KCTD8: variants seen among roughly 807,000 people sequenced by gnomAD.
The protein encoded by KCTD8 is potassium channel tetramerization domain containing 8.
In KCTD8, 27 loss-of-function variants were observed where a neutral mutation model predicts 31.5. The observed-to-expected ratio is 0.86, with a 90% CI of 0.63 to 1.18. The LOEUF (loss-of-function observed/expected upper bound fraction) is 1.18, where lower values mean the gene tolerates loss of function less well. Ranked by LOEUF, KCTD8 falls within the 50% of genes most tolerant of loss-of-function variation. The pLI, the probability that KCTD8 is intolerant of heterozygous loss-of-function variation, is 0.00. For missense variants in KCTD8, 658 were observed against 647.7 expected, an observed-to-expected ratio of 1.02 and a Z score of -0.17; for synonymous variants, 290 against 280.0, an observed-to-expected ratio of 1.04 and a Z score of -0.36.
At chr4:44,253,089 G>A (rs1013998237) in intron 1 of KCTD8, among the ~76,000 whole-genome samples, 2 of 151,202 alleles carry the variant, frequency 1.3e-5, no homozygotes, top group Non-Finnish European at 3.0e-5. Context: ...TATGTGTTTT[G>A]TTTATTTTTA....
intron 1 of KCTD8, among the ~76,000 whole-genome samples, chr4:44,406,458 T>C (rs1720798886): frequency 6.6e-6 from 1 of 152,090 alleles, no homozygotes; most frequent in African/African-American, 2.4e-5. Flanking sequence ...AGTGAATAAG[T>C]CTCATGAGAT....
rs866251998 is a variant in KCTD8 at position 44,181,052 on chromosome 4, T to C, written c.962-5802A>G. ...ATTTATGTCTGTTTAATTACATCTATTCTTACTGGTGAATTGCCAGCAAAA... is the reference window on the plus strand; with the variant it reads ...ATTTATGTCTGTTTAATTACATCTACTCTTACTGGTGAATTGCCAGCAAAA... On this transcript the variant is annotated intron_variant, in intron 1 of 1. Coordinates refer to ENST00000360029, the MANE Select transcript of KCTD8 (RefSeq NM_198353.3). Among the ~76,000 whole-genome samples the C allele has an allele frequency of 2.0e-5, 3 of 152,292 alleles. No homozygotes were observed. The Middle Eastern group carries it at 0.01, about 518-fold the overall frequency.
At position 44,448,750 on chromosome 4, in the gene KCTD8, G is replaced by A. The variant is rs1722028283; in HGVS notation, c.-227C>T. The A allele has an allele frequency of 5.1e-6, 2 of 394,208 alleles. No individual in the cohort carries two copies. Among genetic ancestry groups the A allele is most frequent in the East Asian group, 3.8e-5 (1 of 26,238 alleles). The allele number at this position is 394,208 out of a possible 1,614,324, so 24.4% of individuals were successfully genotyped here. A position where few individuals can be genotyped will look rare whatever the true frequency, so the allele number is the denominator to read the frequency against. On this transcript the variant is annotated 5_prime_UTR_variant, in exon 1 of 2. Transcript: ENST00000360029. The surrounding 1 kb of genome is among the most constrained non-coding windows in gnomAD (Gnocchi z 4.1). ...GAGAGAGGAGCTCCGCCGGTGCGGC[G>A]GCGGCAATGGAGAGGCAAGAAGGAG...
chr4:44,215,697 C>T (rs1714627407), intron 1 of KCTD8, among the ~76,000 whole-genome samples: 1 of 152,198 alleles, frequency 6.6e-6, no homozygotes, highest in African/African-American at 2.4e-5. Flanking sequence ...CAATTTGTAA[C>T]AAATCATTAA....
chr4:44,176,418 C>A (rs1054918408), intron 1 of KCTD8, among the ~76,000 whole-genome samples: 4 of 152,132 alleles, frequency 2.6e-5, no homozygotes, highest in African/African-American at 9.7e-5. Context: ...GCCATCAGGT[C>A]ATTTAAGATT....
intron 1 of KCTD8, among the ~76,000 whole-genome samples, chr4:44,317,388 C>T (rs1430271814): frequency 2.8e-5 from 4 of 143,638 alleles, no homozygotes; most frequent in Admixed American, 1.4e-4. Flanking sequence ...TACAGGCGCC[C>T]GCCACCGCAC....
At chr4:44,280,436 C>T (rs1716875606) in intron 1 of KCTD8, among the ~76,000 whole-genome samples, 1 of 152,034 alleles carries the variant, frequency 6.6e-6, no homozygotes, top group African/African-American at 2.4e-5. Context: ...AGAGCTGCAT[C>T]CTTTTCTCAA....
intron 1 of KCTD8, among the ~76,000 whole-genome samples, chr4:44,217,808 T>C (rs1214450306): frequency 2.0e-5 from 3 of 152,000 alleles, no homozygotes; most frequent in Non-Finnish European, 4.4e-5. Context: ...CCTGGACTTA[T>C]ACCAGTGGTT....
chr4:44,344,362 T>C (rs970381036), intron 1 of KCTD8, among the ~76,000 whole-genome samples: 1 of 152,082 alleles, frequency 6.6e-6, no homozygotes, highest in Admixed American at 6.6e-5. Context: ...TGTTTTCATT[T>C]TTTTGTAGAA....
intron 1 of KCTD8, among the ~76,000 whole-genome samples, chr4:44,431,057 T>A (rs1487501510): frequency 6.6e-6 from 1 of 151,760 alleles, no homozygotes; most frequent in African/African-American, 2.4e-5. Context: ...ACCAAATTTT[T>A]AAAATATAAC....
chr4:44,194,828 C>T lies in KCTD8; in HGVS notation c.962-19578G>A, dbSNP rs1190980867. The stretch of plus-strand genomic sequence containing the variant: ...CCCTCCCTCCCTCCCTTCCTTCCTT[C>T]CTTCCTTCCTTCCCTCTTTCCTTTC... On this transcript the variant is annotated intron_variant, in intron 1 of 1. Transcript: ENST00000360029. Among the ~76,000 whole-genome samples the T allele has an allele frequency of 6.2e-4, 72 of 116,010 alleles. 1 individual carries two copies. The highest frequency in any genetic ancestry group is 2.1e-3 in the African/African-American group (66 of 30,830). 76.1% of individuals were successfully genotyped at this position (116,010 alleles called of 152,430 possible). A position where few individuals can be genotyped will look rare whatever the true frequency, so the allele number is the denominator to read the frequency against.
At chr4:44,419,769 G>A (rs573001249) in intron 1 of KCTD8, among the ~76,000 whole-genome samples, 1 of 152,022 alleles carries the variant, frequency 6.6e-6, no homozygotes, top group East Asian at 1.9e-4. Flanking sequence ...GTTGATGGGC[G>A]CAGCAAATCA....
intron 1 of KCTD8, among the ~76,000 whole-genome samples, chr4:44,189,319 G>A (rs1214066003): frequency 6.6e-6 from 1 of 152,058 alleles, no homozygotes; most frequent in Non-Finnish European, 1.5e-5. Context: ...GAGCAACATA[G>A]AATGAATCTA....
At chr4:44,346,945 T>A (rs1332522114) in intron 1 of KCTD8, among the ~76,000 whole-genome samples, 1 of 152,106 alleles carries the variant, frequency 6.6e-6, no homozygotes, top group African/African-American at 2.4e-5. Flanking sequence ...CTGGGTTCAG[T>A]GGAAAATGAA....
rs375885044 is a variant in KCTD8, at chr4:44,317,007, T to TAA, written c.961+130554_961+130555dup. ...ACAACAACAACAAATAAAATAATAA[T>TAA]AAAAAAAAAACAAACAGGAAACCAG... On this transcript the variant is annotated intron_variant, in intron 1 of 1. Coordinates refer to ENST00000360029, the MANE Select transcript of KCTD8 (RefSeq NM_198353.3). 5.7e-5 allele frequency among the ~76,000 whole-genome samples: 8 copies of TAA among 141,434 alleles called. No homozygotes were observed. In the East Asian group the frequency reaches 8.3e-4, roughly 15 times the overall value. 92.8% of individuals were successfully genotyped at this position (141,434 alleles called of 152,430 possible).
At chr4:44,349,173 A>T (rs2109423626) in intron 1 of KCTD8, among the ~76,000 whole-genome samples, 1 of 150,788 alleles carries the variant, frequency 6.6e-6, no homozygotes, top group South Asian at 2.1e-4. Flanking sequence ...TGCTTTGCTG[A>T]TCCTAGGATA....
chr4:44,404,595 T>C (rs1475215288), intron 1 of KCTD8, among the ~76,000 whole-genome samples: 1 of 152,214 alleles, frequency 6.6e-6, no homozygotes, highest in Non-Finnish European at 1.5e-5. Context: ...ATAGAAGTTT[T>C]GCCTCAGGGC....
chr4:44,341,044 T>TA (rs1718884212), intron 1 of KCTD8, among the ~76,000 whole-genome samples: 2 of 152,140 alleles, frequency 1.3e-5, no homozygotes, highest in Non-Finnish European at 2.9e-5. Context: ...ACCTTGGAGA[T>TA]ATTGTGGGTT....
chr4:44,364,889 C>G (rs1332789599), intron 1 of KCTD8, among the ~76,000 whole-genome samples: 1 of 151,618 alleles, frequency 6.6e-6, no homozygotes, highest in Non-Finnish European at 1.5e-5. Flanking sequence ...GTCAGTGGTT[C>G]TCCGGGGTCA....
Sources: allele counts gnomAD v4.1 joint callset (sites outside exome capture counted in the v4.1 genomes callset), GRCh38; gene constraint gnomAD v4.1.1; non-coding constraint Gnocchi (gnomAD v3.1); transcripts MANE v1.5; gene names NCBI Gene and HGNC (gene_info 2026-07-23, HGNC 2026-07-21).